The following DENND5A variants were observed in gnomAD, a reference collection of about 807,000 sequenced individuals.
The protein encoded by DENND5A is DENN domain containing 5A, also known as DENN domain-containing protein 5A.
In DENND5A, 64 loss-of-function variants were observed where a neutral mutation model predicts 140.3. That is an observed-to-expected ratio of 0.46 (90% CI 0.37 to 0.56). The LOEUF is 0.56. Among genes scored for constraint, DENND5A ranks in the 20% least tolerant of loss-of-function variants. The pLI, the probability that DENND5A is intolerant of heterozygous loss-of-function variation, is 0.00. For missense variants in DENND5A, 1,292 were observed against 1,593.8 expected (o/e 0.81, Z 3.22); for synonymous variants, 605 against 607.7 (o/e 1.00, Z 0.07).
At chr11:9,158,025 T>C (rs950444891) in intron 12 of DENND5A, among the ~76,000 whole-genome samples, 2 of 152,174 alleles carry the variant, frequency 1.3e-5, no homozygotes, top group Admixed American at 1.3e-4. Context: ...TTTAAAAAAC[T>C]ATAAATGCAG....
At chr11:9,196,205 G>A (rs535388964) in intron 4 of DENND5A, among the ~76,000 whole-genome samples, 15 of 152,030 alleles carry the variant, frequency 9.9e-5, no homozygotes, top group Non-Finnish European at 1.9e-4. Context: ...CACCCACCTC[G>A]GCCTCCCAAA....
chr11:9,227,572 A>G (rs978854790), intron 1 of DENND5A, among the ~76,000 whole-genome samples: 1 of 152,198 alleles, frequency 6.6e-6, no homozygotes, highest in African/African-American at 2.4e-5. Context: ...TGGAAGGCAC[A>G]GGACTTTAAA....
At chr11:9,205,410 G>A (rs1004970422) in intron 3 of DENND5A, among the ~76,000 whole-genome samples, 1 of 152,094 alleles carries the variant, frequency 6.6e-6, no homozygotes, top group African/African-American at 2.4e-5. Context: ...ACTTCCCAAA[G>A]GCTAGGTATT....
chr11:9,249,099 G>C (rs975875123), intron 1 of DENND5A, among the ~76,000 whole-genome samples: 4 of 151,860 alleles, frequency 2.6e-5, no homozygotes, highest in African/African-American at 9.7e-5. Context: ...GTGGTGGTGG[G>C]CGCCTGTAGT....
At chr11:9,156,562 G>A (rs1847808553) in intron 12 of DENND5A, among the ~76,000 whole-genome samples, 1 of 151,914 alleles carries the variant, frequency 6.6e-6, no homozygotes, top group African/African-American at 2.4e-5. Flanking sequence ...GGGAGGTGGA[G>A]GTTGCAGTGA....
At chr11:9,217,571 A>G (rs904284427) in intron 1 of DENND5A, among the ~76,000 whole-genome samples, 6 of 152,190 alleles carry the variant, frequency 3.9e-5, no homozygotes, top group African/African-American at 1.4e-4. Context: ...GACAGAAAGT[A>G]GATTAGTGTT....
Position 9,203,801 on chromosome 11 carries a change from T to C in DENND5A, c.808A>G (p.Ile270Val), listed in dbSNP as rs753065587. 3.7e-6 allele frequency: 6 copies of C among 1,614,116 alleles called. No homozygotes were observed. The highest frequency in any genetic ancestry group is 1.1e-5 in the South Asian group (1 of 91,068). Residue 270 changes from isoleucine to valine, a missense_variant, in exon 4 of 23, where the codon ATC becomes GTC. This residue lies in a region of DENND5A where 566 missense variants were observed against 650.4 expected (regional missense o/e 0.87). Transcript: ENST00000328194. ...TCATTGGTACTTGGTCTCTGGCAGATTATTGGCCCATAGACCCCAGAAAAC... is the reference window on the plus strand; with the variant it reads ...TCATTGGTACTTGGTCTCTGGCAGACTATTGGCCCATAGACCCCAGAAAAC... ...LKFSGVYGPI[I>V]CQRPSTNELP...
At chr11:9,189,525 G>A (rs904596554) in intron 5 of DENND5A, among the ~76,000 whole-genome samples, 1 of 152,182 alleles carries the variant, frequency 6.6e-6, no homozygotes, top group African/African-American at 2.4e-5. Flanking sequence ...GCCCATAAAA[G>A]CAGCCAGGAG....
chr11:9,164,069 T>TG (rs1848093237), intron 11 of DENND5A, among the ~76,000 whole-genome samples: 1 of 119,126 alleles, frequency 8.4e-6, no homozygotes, highest in African/African-American at 2.9e-5. Context: ...TTTTTTTTTT[T>TG]TTTTTTTTTT....
intron 1 of DENND5A, among the ~76,000 whole-genome samples, chr11:9,214,134 A>G (rs533956232): frequency 1.3e-5 from 2 of 152,324 alleles, no homozygotes; most frequent in East Asian, 3.9e-4. Flanking sequence ...ATGGCACTGT[A>G]TCTTTCCTGT....
chr11:9,156,884 G>GAAGGAAGT (rs1414787335), intron 12 of DENND5A, among the ~76,000 whole-genome samples: 1 of 150,898 alleles, frequency 6.6e-6, no homozygotes, highest in African/African-American at 2.5e-5. Flanking sequence ...AGGAAGGAAG[G>GAAGGAAGT]AAGGAAGGAA....
At chr11:9,177,654 A>G (rs927650476) in intron 8 of DENND5A, among the ~76,000 whole-genome samples, 2 of 151,810 alleles carry the variant, frequency 1.3e-5, no homozygotes, top group Non-Finnish European at 2.9e-5. Context: ...AGACCCTGTC[A>G]CACAGGCAGA....
At chr11:9,142,210 A>C in intron 21 of DENND5A, 102 bp from the exon 22 acceptor site, 1 of 892,844 alleles carries the variant, frequency 1.1e-6, no homozygotes, top group Non-Finnish European at 1.7e-6. Context: ...CACACAGGTA[A>C]CTTAATGAGA....
At chr11:9,207,005 GTTC>G (rs956738904) in intron 2 of DENND5A, among the ~76,000 whole-genome samples, 9 of 152,300 alleles carry the variant, frequency 5.9e-5, no homozygotes, top group Non-Finnish European at 1.2e-4. Flanking sequence ...CTAGCTGTCA[GTTC>G]TTCTTCAAAA....
chr11:9,260,049 A>G (rs866227693), intron 1 of DENND5A, among the ~76,000 whole-genome samples: 250 of 120,296 alleles, frequency 2.1e-3, no homozygotes, highest in African/African-American at 5.7e-3. Context: ...AAAAAAAAAA[A>G]AGAGAGAGAC....
chr11:9,189,398 T>G (rs980179278), intron 5 of DENND5A, among the ~76,000 whole-genome samples: 2 of 152,150 alleles, frequency 1.3e-5, no homozygotes, highest in African/African-American at 2.4e-5. Context: ...GAGTCCCTAC[T>G]GAGACACTGC....
intron 1 of DENND5A, among the ~76,000 whole-genome samples, chr11:9,250,271 CA>C (rs533567696): frequency 1.0e-3 from 142 of 141,856 alleles, no homozygotes; most frequent in Admixed American, 1.4e-3. Flanking sequence ...AAACTGTCAC[CA>C]AAAAAAAAAA....
At chr11:9,190,321 C>A (rs979400735) in intron 5 of DENND5A, among the ~76,000 whole-genome samples, 49 of 152,106 alleles carry the variant, frequency 3.2e-4, no homozygotes, top group African/African-American at 1.1e-3. Context: ...CAGAGTGATA[C>A]GGTTTGGCTG....
At chr11:9,227,726 G>A (rs986885841) in intron 1 of DENND5A, among the ~76,000 whole-genome samples, 2 of 151,908 alleles carry the variant, frequency 1.3e-5, no homozygotes, top group Non-Finnish European at 2.9e-5. Context: ...GGGAGGCCAA[G>A]ATGGGAGGAT....
Sources: gnomAD v4.1 joint callset for allele counts (sites outside exome capture counted in the v4.1 genomes callset) on GRCh38, gnomAD v4.1.1 for gene constraint, gnomAD v4.1.1 regional missense constraint, MANE v1.5 for transcripts, NCBI Gene and HGNC (gene_info 2026-07-23, HGNC 2026-07-21) for gene names.